Variants in HIRA observed in about 807,000 individuals in gnomAD.
HIRA encodes the protein histone cell cycle regulator, also known as protein HIRA.
HIRA carries 13 observed loss-of-function variants against 126.6 expected under a neutral mutation model. The observed-to-expected ratio is 0.10, with a 90% CI of 0.07 to 0.16. The LOEUF (loss-of-function observed/expected upper bound fraction) is 0.16. Among genes scored for constraint, HIRA ranks in the 10% least tolerant of loss-of-function variants. HIRA has a pLI of 1.00. For synonymous variants in HIRA, 511 were observed against 520.0 expected, an observed-to-expected ratio of 0.98 and a Z score of 0.24; for missense variants, 834 against 1,314.4, an observed-to-expected ratio of 0.63 and a Z score of 5.65.
intron 13 of HIRA, among the ~76,000 whole-genome samples, chr22:19,381,993 C>T (rs2089077614): frequency 6.6e-6 from 1 of 152,186 alleles, no homozygotes; most frequent in Admixed American, 6.5e-5. Context: ...CATCCACTTT[C>T]TGTGCAAATT....
At chr22:19,431,373 C>T (rs2089537589) in intron 1 of HIRA, 67 bp downstream of exon 1, 5 of 1,557,708 alleles carry the variant, frequency 3.2e-6, no homozygotes, top group Admixed American at 1.7e-5. Flanking sequence ...TTGCGCGCGC[C>T]CCGACTCGAC....
At chr22:19,383,930 C>T (rs1034254426) in intron 12 of HIRA, among the ~76,000 whole-genome samples, 1 of 152,042 alleles carries the variant, frequency 6.6e-6, no homozygotes, top group Admixed American at 6.5e-5. Flanking sequence ...ACTTTATACC[C>T]TTTGGCTAAT....
intron 15 of HIRA, among the ~76,000 whole-genome samples, chr22:19,372,917 A>G (rs1313722538): frequency 6.6e-6 from 1 of 152,128 alleles, no homozygotes. Flanking sequence ...AGGTCTTGCC[A>G]TGTTGCTCAG....
chr22:19,394,267 C>T, intron 8 of HIRA, 75 bp downstream of exon 8: 1 of 1,492,324 alleles, frequency 6.7e-7, no homozygotes, highest in Non-Finnish European at 9.2e-7. Context: ...TTAAGTATAA[C>T]TATTCAAAAT....
intron 8 of HIRA, 150 bp downstream of exon 8, chr22:19,394,192 A>G (rs1393286155): frequency 5.5e-6 from 5 of 907,712 alleles, no homozygotes; most frequent in African/African-American, 3.4e-5. Context: ...TGATGTTCAC[A>G]TGTAAAGTTT....
chr22:19,352,554 T>C (rs1569292346), intron 23 of HIRA, among the ~76,000 whole-genome samples: 1 of 151,516 alleles, frequency 6.6e-6, no homozygotes, highest in African/African-American at 2.4e-5. Context: ...CAAGTGTATG[T>C]ACACACACAC....
chr22:19,353,441 G>T lies in HIRA; in HGVS notation c.2763C>A (p.Asn921Lys), dbSNP rs781788032. The T allele has an allele frequency of 6.2e-7, 1 of 1,613,068 alleles. No individual in the cohort carries two copies. The highest frequency in any genetic ancestry group is 1.1e-5 in the South Asian group (1 of 90,940). The change falls in exon 23 of 25, where the codon AAC becomes AAA. Residue 921 changes from asparagine (N) to lysine (K), a missense_variant. Physicochemically the swap from Asn to Lys is moderately conservative, Grantham distance 94 (BLOSUM62 0). Transcript: ENST00000263208. ...QQETTLAYLE[N>K]QVAAALTLQS... The stretch of plus-strand genomic sequence containing the variant: ...GCAGGGTGAGTGCTGCTGCCACCTG[G>T]TTCTCTAGGTAGGCCAGGGTGGTCT...
At chr22:19,417,671 A>G (rs1455951263) in intron 1 of HIRA, among the ~76,000 whole-genome samples, 2 of 152,204 alleles carry the variant, frequency 1.3e-5, no homozygotes, top group Non-Finnish European at 2.9e-5. Flanking sequence ...ACCTCAGGAA[A>G]TAAGTGTTGA....
chr22:19,336,845 C>A (rs577725970), intron 24 of HIRA, among the ~76,000 whole-genome samples: 1 of 152,196 alleles, frequency 6.6e-6, no homozygotes, highest in South Asian at 2.1e-4. Flanking sequence ...AGGGGAAGTG[C>A]ACCAAATCAA....
At chr22:19,429,492 C>A (rs896437123) in intron 1 of HIRA, among the ~76,000 whole-genome samples, 3 of 152,288 alleles carry the variant, frequency 2.0e-5, no homozygotes, top group Middle Eastern at 3.4e-3. Flanking sequence ...GTTTGGGGAG[C>A]ATTTTTATAT....
chr22:19,397,360 C>T (rs544971072), intron 6 of HIRA, among the ~76,000 whole-genome samples: 87 of 152,276 alleles, frequency 5.7e-4, no homozygotes, highest in Non-Finnish European at 1.0e-3. Context: ...TACGACGGTA[C>T]CCCATATAGA....
At chr22:19,372,180 A>G (rs1401162169) in intron 15 of HIRA, among the ~76,000 whole-genome samples, 1 of 152,058 alleles carries the variant, frequency 6.6e-6, no homozygotes, top group Non-Finnish European at 1.5e-5. Context: ...GTCCTTCAAG[A>G]CTTAAGCATA....
chr22:19,390,729 A>G (rs1303359783), intron 9 of HIRA, among the ~76,000 whole-genome samples: 2 of 151,772 alleles, frequency 1.3e-5, no homozygotes, highest in African/African-American at 4.8e-5. Context: ...AAATGGACTA[A>G]TAGAGGCGTC....
At chr22:19,411,749 T>C (rs2089354690) in intron 1 of HIRA, among the ~76,000 whole-genome samples, 1 of 152,186 alleles carries the variant, frequency 6.6e-6, no homozygotes, top group Non-Finnish European at 1.5e-5. Flanking sequence ...TCTGTCTCTG[T>C]CACCCAAGAG....
chr22:19,367,511 C>T (rs902817000), intron 15 of HIRA, among the ~76,000 whole-genome samples: 1 of 152,050 alleles, frequency 6.6e-6, no homozygotes, highest in African/African-American at 2.4e-5. Context: ...AGATTACAGG[C>T]ACGCACCACC....
chr22:19,373,937 T>TTTTTTTTTTTTTTTTTTGAG (rs71186604), intron 15 of HIRA, among the ~76,000 whole-genome samples: 1 of 151,408 alleles, frequency 6.6e-6, no homozygotes, highest in African/African-American at 2.4e-5. Context: ...CTGGCTTTTT[T>TTTTTTTTTTTTTTTTTTGAG]GTTCACTCTT....
chr22:19,383,563 G>C (rs369785328), intron 13 of HIRA, 57 bp downstream of exon 13: 1 of 1,393,000 alleles, frequency 7.2e-7, no homozygotes, highest in Non-Finnish European at 1.0e-6. Context: ...GTTAACCGCT[G>C]AAAGAAGACA....
At chr22:19,377,845 G>T (rs1264223977) in intron 14 of HIRA, 24 bp downstream of exon 14, 28 of 1,566,630 alleles carry the variant, frequency 1.8e-5, no homozygotes, top group Non-Finnish European at 2.3e-5. Context: ...CCAGGGACAG[G>T]AACAAGCCTT....
chr22:19,364,103 T>G (rs1034451643), intron 15 of HIRA, among the ~76,000 whole-genome samples: 2 of 151,944 alleles, frequency 1.3e-5, no homozygotes, highest in Admixed American at 6.6e-5. Flanking sequence ...TGGGAACTCT[T>G]TGTATTTCCT....
Sources: gnomAD v4.1 joint callset for allele counts (sites outside exome capture counted in the v4.1 genomes callset) on GRCh38, gnomAD v4.1.1 for gene constraint, MANE v1.5 for transcripts, NCBI Gene and HGNC (gene_info 2026-07-23, HGNC 2026-07-21) for gene names.